RADIL: variants seen among roughly 807,000 people sequenced by gnomAD.
RADIL encodes ras-associating and dilute domain-containing protein.
RADIL carries 99 observed loss-of-function variants against 97.6 expected under a neutral mutation model. That is an observed-to-expected ratio of 1.01 (90% confidence interval 0.86 to 1.20). The LOEUF is 1.20. Among genes scored for constraint, RADIL ranks in the 50% most tolerant of loss-of-function variants. RADIL has a pLI of 0.00. For synonymous variants in RADIL, 803 were observed against 691.8 expected (o/e 1.16, Z -2.52); for missense variants, 1,765 against 1,498.9 (o/e 1.18, Z -2.93).
intron 2 of RADIL, among the ~76,000 whole-genome samples, chr7:4,846,250 G>A (rs929510132): frequency 2.0e-5 from 3 of 151,486 alleles, no homozygotes; most frequent in Non-Finnish European, 2.9e-5. Context: ...TGGTTCAAGC[G>A]ATTCTCCTGC....
chr7:4,861,770 G>C, intron 2 of RADIL: 3 of 1,485,872 alleles, frequency 2.0e-6, no homozygotes, highest in Admixed American at 2.5e-5. Context: ...CGGCGGCGCC[G>C]GCTGCGGTGG....
intron 2 of RADIL, among the ~76,000 whole-genome samples, chr7:4,877,268 C>T (rs1230872217): frequency 6.6e-6 from 1 of 152,160 alleles, no homozygotes; most frequent in African/African-American, 2.4e-5. Flanking sequence ...CACAGCGAGA[C>T]TCCTGTCTCT....
chr7:4,865,435 C>T, intron 2 of RADIL: 1 of 694,480 alleles, frequency 1.4e-6, no homozygotes, highest in Non-Finnish European at 2.6e-6. Flanking sequence ...GGAATTTAAT[C>T]CTTGTCTTCC....
At position 4,873,412 on chromosome 7, in the gene RADIL, C is replaced by A. The variant is rs894868460; in HGVS notation, c.535+4193G>T. ...CGTGCACATCACATCACCACATGCA[C>A]AGGCCAGGGGTCCCTTCCCTTTCTC... On this transcript the variant is annotated intron_variant, in intron 2 of 14. Transcript: ENST00000399583. This position sits in a 1 kb window ranked among gnomAD's most constrained non-coding sequence, Gnocchi z 4.3. 5.9e-5 allele frequency among the ~76,000 whole-genome samples: 9 copies of A among 152,316 alleles called. No individual in the cohort carries two copies. Among genetic ancestry groups the A allele is most frequent in the Non-Finnish European group, 1.0e-4 (7 of 68,030 alleles).
Position 4,877,986 on chromosome 7 carries a change from G to C in RADIL, c.154C>G (p.Pro52Ala), listed in dbSNP as rs151172365. The C allele has an allele frequency of 3.7e-6, 6 of 1,609,382 alleles. No individual in the cohort carries two copies. In the African/African-American group the frequency reaches 6.7e-5, roughly 18 times the overall value. The part of the protein sequence containing the change: ...TFSSLGASDD[P>A]AELSTQLSAP... Reference sequence around the variant, plus strand: ...GACAGCTGGGTGGAGAGCTCGGCGGGGTCATCGCTGGCGCCCAGGCTGGAG... The same window carrying C: ...GACAGCTGGGTGGAGAGCTCGGCGGCGTCATCGCTGGCGCCCAGGCTGGAG... The change falls in exon 2 of 15, where the codon CCC (proline) becomes GCC (alanine). Residue 52 changes from proline to alanine, a missense_variant. Coordinates refer to ENST00000399583, the MANE Select transcript of RADIL (RefSeq NM_018059.5).
chr7:4,861,405 C>G (rs1258725280), intron 2 of RADIL: 1 of 1,614,184 alleles, frequency 6.2e-7, no homozygotes, highest in East Asian at 2.2e-5. Flanking sequence ...TTCAGTTTAG[C>G]ATAGAATGAG....
intron 2 of RADIL, among the ~76,000 whole-genome samples, chr7:4,864,862 C>T (rs1408438018): frequency 6.6e-6 from 1 of 152,218 alleles, no homozygotes; most frequent in African/African-American, 2.4e-5. Context: ...AAAGTATTCT[C>T]TACCTAGGAG....
At chr7:4,861,412 T>C (rs1292493711) in intron 2 of RADIL, 2 of 1,614,176 alleles carry the variant, frequency 1.2e-6, no homozygotes. Context: ...TAGCATAGAA[T>C]GAGGTGAAAA....
intron 2 of RADIL, among the ~76,000 whole-genome samples, chr7:4,856,229 G>A (rs950741183): frequency 3.9e-5 from 6 of 151,922 alleles, no homozygotes; most frequent in Non-Finnish European, 7.4e-5. Context: ...TCCTGGGACT[G>A]ACAGGTACAT....
chr7:4,874,009 C>A (rs1415686933), intron 2 of RADIL, among the ~76,000 whole-genome samples: 1 of 152,242 alleles, frequency 6.6e-6, no homozygotes, highest in Non-Finnish European at 1.5e-5. Context: ...CTAGTGCCGG[C>A]TGCAAACTCA....
rs766646684 is a variant in RADIL, at chr7:4,877,814, T to C, written c.326A>G (p.Gln109Arg). 6.2e-7 allele frequency: 1 copy of C among 1,609,406 alleles called. No individual in the cohort carries two copies. The highest frequency in any genetic ancestry group is 1.3e-5 in the African/African-American group (1 of 74,936). Residue 109 changes from glutamine to arginine, a missense_variant, in exon 2 of 15, where the codon CAG becomes CGG. Transcript: ENST00000399583. ...RYALDPRQAG[Q>R]YVLCDVVGQA... ...GCCCACCACGTCACACAGCACGTAC[T>C]GGCCGGCCTGCCTGGGGTCCAGGGC...
At chr7:4,876,076 C>T (rs968676599) in intron 2 of RADIL, among the ~76,000 whole-genome samples, 1 of 152,134 alleles carries the variant, frequency 6.6e-6, no homozygotes, top group African/African-American at 2.4e-5. Flanking sequence ...CTGGCTGCAG[C>T]ATCTGCGGCT....
In RADIL at chr7:4,800,208, C is replaced by A; in HGVS notation, c.2945G>T (p.Gly982Val). ...CAGGCCCATCCCCAGCCCGGAGGGG[C>A]CTCGTTCCAGCTCCACCGTGAAGAC... ...CYVFTVELER[G>V]PSGLGMGLID... is the part of the protein sequence containing the mutation. Residue 982 changes from glycine (G) to valine (V), a missense_variant, in exon 13 of 15, where the codon GGC (glycine) becomes GTC (valine). Gly to Val is a moderately radical substitution (Grantham distance 109, BLOSUM62 -3). Coordinates refer to ENST00000399583, the MANE Select transcript of RADIL (RefSeq NM_018059.5). 1 of 1,608,328 alleles carries A rather than the reference C, an allele frequency of 6.2e-7. No individual in the cohort carries two copies. Among genetic ancestry groups the A allele is most frequent in the African/African-American group, 1.3e-5 (1 of 74,724 alleles).
In RADIL at chr7:4,880,385, G is replaced by A. The variant is rs866525153; in HGVS notation, c.-64-2182C>T. Among the ~76,000 whole-genome samples the A allele has an allele frequency of 6.6e-6, 1 of 152,098 alleles. No individual in the cohort carries two copies. Among genetic ancestry groups the A allele is most frequent in the African/African-American group, 2.4e-5 (1 of 41,396 alleles). ...GACAGTGCTCACATCACAAACGTGC[G>A]GCCTGGCCTGTGCACACCACACCAG... On this transcript the variant is annotated intron_variant, in intron 1 of 14. Coordinates refer to ENST00000399583, the MANE Select transcript of RADIL (RefSeq NM_018059.5). This position sits in a 1 kb window ranked among gnomAD's most constrained non-coding sequence, Gnocchi z 4.5.
chr7:4,816,364 G>A lies in RADIL; in HGVS notation c.1830C>T (p.Arg610=), dbSNP rs1371330354. ...CTGCCTGGTACACAGACACCACGCG[G>A]CGCAGCTCCTCGGGCAGTTCGGGGG... ...SSAPELPEEL[R]RVVSVYQAAL... Residue 610 remains arginine (R), a synonymous_variant, in exon 8 of 15, where the codon CGC becomes CGT. Coordinates refer to ENST00000399583, the MANE Select transcript of RADIL (RefSeq NM_018059.5). The A allele has an allele frequency of 6.2e-7, 1 of 1,611,206 alleles. No homozygotes were observed. The highest frequency in any genetic ancestry group is 8.5e-7 in the Non-Finnish European group (1 of 1,179,322).
intron 9 of RADIL, chr7:4,809,206 G>A: frequency 2.0e-6 from 2 of 985,292 alleles, no homozygotes; most frequent in Non-Finnish European, 2.4e-6. Flanking sequence ...TGTCACTGCC[G>A]ACTCGGGCCT....
intron 7 of RADIL, 105 bp from the exon 8 acceptor site, chr7:4,816,570 G>A (rs1216788741): frequency 2.2e-6 from 2 of 902,512 alleles, no homozygotes; most frequent in Non-Finnish European, 3.5e-6. Context: ...TGCTTGCAGG[G>A]ACCCGGCCTC....
rs140821423 is a variant in RADIL at position 4,826,081 on chromosome 7, G to A, written c.1455-3527C>T. Among the ~76,000 whole-genome samples the A allele has an allele frequency of 1.0e-2, 1,512 of 151,464 alleles. 16 individuals are homozygous for A. Among genetic ancestry groups the A allele is most frequent in the Middle Eastern group, 0.017 (5 of 286 alleles). ...AATTAGCCAGGGCATGGTGGTGCATGCCTGTAGTCCCAGCTACTCGGGAGG... is the reference window on the plus strand; with the variant it reads ...AATTAGCCAGGGCATGGTGGTGCATACCTGTAGTCCCAGCTACTCGGGAGG... On this transcript the variant is annotated intron_variant, in intron 5 of 14. Coordinates refer to ENST00000399583, the MANE Select transcript of RADIL (RefSeq NM_018059.5).
At position 4,879,023 on chromosome 7, in the gene RADIL, A is replaced by T. The variant is rs972060301; in HGVS notation, c.-64-820T>A. On this transcript the variant is annotated intron_variant, in intron 1 of 14. Coordinates refer to ENST00000399583, the MANE Select transcript of RADIL (RefSeq NM_018059.5). This position sits in a 1 kb window ranked among gnomAD's most constrained non-coding sequence, Gnocchi z 4.1. ...CACAAACCCCCAGAATCTACCCCTCAGGGCAAGAGACCCGTCCTGGCTTGA... is the reference window on the plus strand; with the variant it reads ...CACAAACCCCCAGAATCTACCCCTCTGGGCAAGAGACCCGTCCTGGCTTGA... Among the ~76,000 whole-genome samples, 2 of 152,226 alleles carry T rather than the reference A, an allele frequency of 1.3e-5. No individual in the cohort carries two copies. The highest frequency in any genetic ancestry group is 4.8e-5 in the African/African-American group (2 of 41,468).
Sources: gnomAD v4.1 joint callset for allele counts (sites outside exome capture counted in the v4.1 genomes callset) on GRCh38, gnomAD v4.1.1 for gene constraint, Gnocchi (gnomAD v3.1) non-coding constraint, MANE v1.5 for transcripts, NCBI Gene and HGNC (gene_info 2026-07-23, HGNC 2026-07-21) for gene names.